Variants in SLC39A12 observed in about 807,000 individuals in gnomAD.
SLC39A12 encodes the protein solute carrier family 39 member 12.
In SLC39A12, 63 loss-of-function variants were observed where a neutral mutation model predicts 71.1. That is an observed-to-expected ratio of 0.89 (90% CI 0.72 to 1.09). The LOEUF (loss-of-function observed/expected upper bound fraction) is 1.09. SLC39A12 is among the 50% of genes least tolerant of loss of function. The pLI is 0.00. For missense variants in SLC39A12, 892 were observed against 812.6 expected (o/e 1.10, Z -1.19); for synonymous variants, 351 against 301.3 (o/e 1.16, Z -1.71).
chr10:18,035,300 T>G (rs1836970538), intron 12 of SLC39A12, among the ~76,000 whole-genome samples: 1 of 139,226 alleles, frequency 7.2e-6, no homozygotes, highest in African/African-American at 3.0e-5. Flanking sequence ...AGACATAGAT[T>G]TGGTCTTTTC....
chr10:18,033,970 A>G (rs1263086617), intron 12 of SLC39A12, among the ~76,000 whole-genome samples: 1 of 148,162 alleles, frequency 6.7e-6, no homozygotes, highest in African/African-American at 2.5e-5. Context: ...TTTGAGTGAG[A>G]TTCTTAATCC....
intron 4 of SLC39A12, among the ~76,000 whole-genome samples, chr10:17,969,425 C>G (rs1399780511): frequency 1.3e-5 from 2 of 152,146 alleles, no homozygotes; most frequent in Admixed American, 1.3e-4. Context: ...CCAGTGTTCC[C>G]TTTTCTCCAT....
At chr10:18,027,777 T>A (rs535632186) in intron 12 of SLC39A12, among the ~76,000 whole-genome samples, 16 of 152,344 alleles carry the variant, frequency 1.1e-4, no homozygotes, top group African/African-American at 3.1e-4. Flanking sequence ...TTGATCAGCT[T>A]TACTTGTTAG....
chr10:18,006,862 T>C (rs1836036592), intron 12 of SLC39A12, among the ~76,000 whole-genome samples: 1 of 152,150 alleles, frequency 6.6e-6, no homozygotes, highest in Non-Finnish European at 1.5e-5. Flanking sequence ...GAAAGAGGAA[T>C]GCAGTGTGAA....
intron 3 of SLC39A12, among the ~76,000 whole-genome samples, chr10:17,962,997 A>C (rs529169473): frequency 6.6e-6 from 1 of 152,210 alleles, no homozygotes; most frequent in African/African-American, 2.4e-5. Flanking sequence ...CTCTACGAAA[A>C]TAGAATTTAA....
At chr10:18,000,134 TC>T (rs1411662675) in intron 10 of SLC39A12, among the ~76,000 whole-genome samples, 1 of 152,164 alleles carries the variant, frequency 6.6e-6, no homozygotes, top group Admixed American at 6.5e-5. Context: ...GATGGCGCCT[TC>T]CTGCAGTGGG....
At chr10:18,037,336 ATT>A in intron 12 of SLC39A12, among the ~76,000 whole-genome samples, 1 of 152,224 alleles carries the variant, frequency 6.6e-6, no homozygotes, top group East Asian at 1.9e-4. Context: ...GATATTTTCC[ATT>A]TTTTTCTAAT....
At chr10:18,039,624 A>T (rs931339547) in intron 12 of SLC39A12, among the ~76,000 whole-genome samples, 8 of 152,150 alleles carry the variant, frequency 5.3e-5, no homozygotes, top group African/African-American at 1.9e-4. Flanking sequence ...GCTACCCAGG[A>T]GGCTGAAGTG....
chr10:17,965,649 T>C lies in SLC39A12; in HGVS notation c.710T>C (p.Ile237Thr). The C allele has an allele frequency of 6.2e-7, 1 of 1,614,166 alleles. No homozygotes were observed. Among genetic ancestry groups the C allele is most frequent in the South Asian group, 1.1e-5 (1 of 91,084 alleles). Residue 237 changes from isoleucine to threonine, a missense_variant, in exon 4 of 13, where the codon ATT becomes ACT. Physicochemically the swap from Ile to Thr is moderately conservative, Grantham distance 89 (BLOSUM62 -1). Transcript: ENST00000377369. ...TCCCCAGACTACTTTACAGAATATA[T>C]TTTCAGTTCCTTGAATCGTACGAAT... is the stretch of plus-strand genomic sequence containing the variant. ...LPSPDYFTEYIFSSLNRTNTL... is the reference protein window; with the variant it reads ...LPSPDYFTEYTFSSLNRTNTL...
At chr10:17,962,461 G>A (rs1554848522) in intron 3 of SLC39A12, among the ~76,000 whole-genome samples, 3 of 151,810 alleles carry the variant, frequency 2.0e-5, no homozygotes, top group Admixed American at 1.3e-4. Flanking sequence ...AGCAAAACTG[G>A]CCTTTCAGTT....
intron 12 of SLC39A12, among the ~76,000 whole-genome samples, chr10:18,042,375 A>G (rs1837281112): frequency 7.0e-6 from 1 of 143,634 alleles, no homozygotes; most frequent in Admixed American, 7.1e-5. Flanking sequence ...AGGTGAGAGG[A>G]TTGCTGGAGC....
At chr10:17,980,487 A>T (rs1482025041) in intron 5 of SLC39A12, among the ~76,000 whole-genome samples, 1 of 152,174 alleles carries the variant, frequency 6.6e-6, no homozygotes, top group Non-Finnish European at 1.5e-5. Flanking sequence ...TGAGAGTGAA[A>T]CTACCCGTCA....
intron 12 of SLC39A12, among the ~76,000 whole-genome samples, chr10:18,036,790 A>ATTTTTT (rs1464293480): frequency 1.7e-4 from 12 of 69,222 alleles, no homozygotes; most frequent in African/African-American, 7.3e-4. Flanking sequence ...ATATATATAT[A>ATTTTTT]TATATTTTTT....
intron 12 of SLC39A12, among the ~76,000 whole-genome samples, chr10:18,039,306 C>T (rs1181219040): frequency 6.6e-6 from 1 of 151,988 alleles, no homozygotes; most frequent in East Asian, 1.9e-4. Flanking sequence ...TGTAAATGAC[C>T]ACAGATGGTA....
At chr10:18,012,727 C>T (rs1392054086) in intron 12 of SLC39A12, among the ~76,000 whole-genome samples, 4 of 152,054 alleles carry the variant, frequency 2.6e-5, no homozygotes, top group Non-Finnish European at 5.9e-5. Context: ...ATTAGCCCGG[C>T]GTGGTGGCGC....
At chr10:18,009,486 G>C (rs1442271494) in intron 12 of SLC39A12, among the ~76,000 whole-genome samples, 2 of 152,106 alleles carry the variant, frequency 1.3e-5, no homozygotes, top group African/African-American at 4.8e-5. Flanking sequence ...TCACCATATA[G>C]GGTTCTAGAT....
intron 12 of SLC39A12, among the ~76,000 whole-genome samples, chr10:18,018,771 T>C (rs1322727954): frequency 1.3e-5 from 2 of 152,306 alleles, no homozygotes; most frequent in African/African-American, 4.8e-5. Context: ...TTGTTGGTTT[T>C]GATTTGCCAA....
rs1003509502 is a variant in SLC39A12, at chr10:17,993,199, A to T, written c.1441A>T (p.Asn481Tyr). The change falls in exon 9 of 13, where the codon AAT becomes TAT. Residue 481 changes from asparagine (N) to tyrosine (Y), a missense_variant. Asn to Tyr is a moderately radical substitution (Grantham distance 143). Coordinates refer to ENST00000377369, the MANE Select transcript of SLC39A12 (RefSeq NM_001145195.2). ...PNDKQGLSLV[N>Y]GHVGHSHHLA... ...CATCCAGCAGGGCCTGTCATTGGTT[A>T]ATGGGCACGTGGGTCATTCCCACCA... The T allele has an allele frequency of 2.6e-6, 4 of 1,551,398 alleles. No homozygotes were observed. The highest frequency in any genetic ancestry group is 1.4e-5 in the African/African-American group (1 of 73,024).
At chr10:18,036,794 ATTT>A (rs746691202) in intron 12 of SLC39A12, among the ~76,000 whole-genome samples, 11 of 92,894 alleles carry the variant, frequency 1.2e-4, no homozygotes, top group East Asian at 8.7e-4. Flanking sequence ...ATATATATAT[ATTT>A]TTTTTTTTAA....
Sources: gnomAD v4.1 joint callset for allele counts (sites outside exome capture counted in the v4.1 genomes callset) on GRCh38, gnomAD v4.1.1 for gene constraint, MANE v1.5 for transcripts, NCBI Gene and HGNC (gene_info 2026-07-23, HGNC 2026-07-21) for gene names.